The following PRDM7 variants were observed in gnomAD, a reference collection of about 807,000 sequenced individuals.
The protein encoded by PRDM7 is histone-lysine N-methyltransferase PRDM7.
Under a neutral mutation model 64.3 loss-of-function variants are expected in PRDM7, and 52 were observed. That is an observed-to-expected ratio of 0.81 (90% CI 0.65 to 1.02). The LOEUF is 1.02. Ranked by LOEUF, PRDM7 falls within the 50% of genes least tolerant of loss-of-function variation. The pLI, the probability that PRDM7 is intolerant of heterozygous loss-of-function variation, is 0.00. For synonymous variants in PRDM7, 192 were observed against 210.1 expected, an observed-to-expected ratio of 0.91 and a Z score of 0.74; for missense variants, 574 against 597.1, an observed-to-expected ratio of 0.96 and a Z score of 0.40.
Position 90,057,805 on chromosome 16 carries a change from T to C in PRDM7, c.*484A>G, listed in dbSNP as rs551816351. On this transcript the variant is annotated 3_prime_UTR_variant, in exon 11 of 11. Coordinates refer to ENST00000449207, the MANE Select transcript of PRDM7 (RefSeq NM_001098173.2). The stretch of plus-strand genomic sequence containing the variant: ...TGTGGTGATCACGTTTGTCTTCTTG[T>C]GGCTATTGAGATAAGGTTTTATTAC... 1.1e-5 allele frequency: 15 copies of C among 1,395,510 alleles called. No homozygotes were observed. The East Asian group carries it at 5.0e-4, about 47-fold the overall frequency. 86.4% of individuals were successfully genotyped at this position (1,395,510 alleles called of 1,614,324 possible).
chr16:90,058,394 T>C lies in PRDM7; in HGVS notation c.1374A>G (p.Arg458=), dbSNP rs756413072. Residue 458 remains arginine, a synonymous_variant, in exon 11 of 11, where the codon AGA becomes AGG. Coordinates refer to ENST00000449207, the MANE Select transcript of PRDM7 (RefSeq NM_001098173.2). ...DHLQENFSNQ[R]IPAQGIRIRS... ...TGATTCTGATCCCCTGGGCAGGGAT[T>C]CTCTGGTTGGAGAAGTTTTCTTGCA... The C allele has an allele frequency of 6.2e-7, 1 of 1,614,196 alleles. No homozygotes were observed. The highest frequency in any genetic ancestry group is 2.2e-5 in the East Asian group (1 of 44,880).
In PRDM7 at chr16:90,067,775, A is replaced by G. The variant is rs1318115845; in HGVS notation, c.302-865T>C. On this transcript the variant is annotated intron_variant, in intron 4 of 10. Transcript: ENST00000449207. ...CCAGCTAATTTTTTGTATTTTTAGT[A>G]GAGATGGGGTTTCACCGTGTTAGCC... is the stretch of plus-strand genomic sequence containing the variant. 3.3e-5 allele frequency among the ~76,000 whole-genome samples: 5 copies of G among 150,576 alleles called. No individual in the cohort carries two copies. In the East Asian group the frequency reaches 9.7e-4, roughly 29 times the overall value.
At chr16:90,060,974 CT>C (rs1488745553) in intron 9 of PRDM7, among the ~76,000 whole-genome samples, 1 of 152,220 alleles carries the variant, frequency 6.6e-6, no homozygotes, top group East Asian at 1.9e-4. Context: ...CACCTGACTT[CT>C]TCAGATTCCT....
intron 4 of PRDM7, among the ~76,000 whole-genome samples, chr16:90,073,039 T>G (rs1283161040): frequency 4.6e-5 from 7 of 152,174 alleles, no homozygotes; most frequent in Admixed American, 4.6e-4. Context: ...GAAATGAGCT[T>G]TGCACTTCTA....
intron 4 of PRDM7, among the ~76,000 whole-genome samples, chr16:90,070,620 G>C (rs2037942739): frequency 6.6e-6 from 1 of 150,910 alleles, no homozygotes; most frequent in African/African-American, 2.5e-5. Context: ...GCTTTTATAA[G>C]AGGAAGAGAG....
intron 10 of PRDM7, among the ~76,000 whole-genome samples, chr16:90,059,817 A>G (rs759003494): frequency 1.3e-5 from 2 of 152,224 alleles, no homozygotes; most frequent in Non-Finnish European, 2.9e-5. Context: ...GATATTACAC[A>G]TATGTCTGTG....
intron 4 of PRDM7, among the ~76,000 whole-genome samples, chr16:90,067,427 A>T (rs941865196): frequency 1.3e-5 from 2 of 151,186 alleles, no homozygotes; most frequent in African/African-American, 2.5e-5. Context: ...AAAAATAGAT[A>T]AAACTTCATC....
At chr16:90,059,677 C>T (rs145435895) in intron 10 of PRDM7, among the ~76,000 whole-genome samples, 4 of 151,692 alleles carry the variant, frequency 2.6e-5, no homozygotes, top group African/African-American at 9.8e-5. Flanking sequence ...CCAGGTCTCA[C>T]ACTGACCTCA....
chr16:90,061,880 T>G, intron 8 of PRDM7, 41 bp downstream of exon 8: 1 of 1,613,192 alleles, frequency 6.2e-7, no homozygotes, highest in South Asian at 1.1e-5. Context: ...ACAGAAGGGA[T>G]GTGGGAAGAC....
intron 1 of PRDM7, among the ~76,000 whole-genome samples, 171 bp downstream of exon 1, chr16:90,077,055 G>T (rs1170183899): frequency 6.6e-6 from 1 of 151,984 alleles, no homozygotes; most frequent in African/African-American, 2.4e-5. Flanking sequence ...GAAGGGATTT[G>T]GGGTCTCTGA....
Position 90,058,059 on chromosome 16 carries a change from A to T in PRDM7, c.*230T>A, listed in dbSNP as rs185718159. 6.2e-7 allele frequency: 1 copy of T among 1,612,698 alleles called. No homozygotes were observed. The highest frequency in any genetic ancestry group is 1.3e-5 in the African/African-American group (1 of 74,890). ...CCCCTGTGTGTGTCCTTTGGTGTGT[A>T]ATAACATCTGACTTATCACTGAAAC... On this transcript the variant is annotated 3_prime_UTR_variant, in exon 11 of 11. Transcript: ENST00000449207.
intron 4 of PRDM7, chr16:90,070,126 TA>T (rs1352334978): frequency 2.0e-5 from 3 of 151,608 alleles, no homozygotes; most frequent in African/African-American, 7.4e-5. Flanking sequence ...ACTCCTATAA[TA>T]CAACAACAAA....
chr16:90,065,093 T>C (rs2037848914), intron 5 of PRDM7, among the ~76,000 whole-genome samples: 1 of 150,612 alleles, frequency 6.6e-6, no homozygotes, highest in African/African-American at 2.5e-5. Flanking sequence ...CTTAATACAG[T>C]ATGAATGTGA....
chr16:90,058,851 G>A (rs1184995123), intron 10 of PRDM7, among the ~76,000 whole-genome samples: 2 of 152,072 alleles, frequency 1.3e-5, no homozygotes, highest in African/African-American at 4.8e-5. Context: ...CATGCCACAG[G>A]TATCTTCCAA....
In PRDM7 at chr16:90,058,521, C is replaced by G; in HGVS notation, c.1247G>C (p.Arg416Thr). ...GACAGCATGAGGGACATGGATGGAT[C>G]TCTGGCTTTGGTTCTGAAAGAGGAA... ...SSWQGENQSQ[R>T]SIHVPHAVWP... The change falls in exon 11 of 11, where the codon AGA becomes ACA. Residue 416 changes from arginine to threonine, a missense_variant. Physicochemically the swap from Arg to Thr is moderately conservative, Grantham distance 71. Transcript: ENST00000449207. The G allele has an allele frequency of 6.2e-7, 1 of 1,614,164 alleles. No homozygotes were observed. Among genetic ancestry groups the G allele is most frequent in the Non-Finnish European group, 8.5e-7 (1 of 1,180,040 alleles).
In PRDM7 at chr16:90,058,137, C is replaced by T. The variant is rs1386765189; in HGVS notation, c.*152G>A. The T allele has an allele frequency of 6.2e-7, 1 of 1,614,040 alleles. No individual in the cohort carries two copies. Among genetic ancestry groups the T allele is most frequent in the African/African-American group, 1.3e-5 (1 of 74,926 alleles). ...TCGCAATTCTTGAGATTCCTACCCC[C>T]ACAAATAATTTGCCTGTGTTCCCTG... On this transcript the variant is annotated 3_prime_UTR_variant, in exon 11 of 11. Coordinates refer to ENST00000449207, the MANE Select transcript of PRDM7 (RefSeq NM_001098173.2).
rs1203854460 is a variant in PRDM7 at position 90,058,298 on chromosome 16, T to G, written c.1470A>C (p.Pro490=). 6.2e-7 allele frequency: 1 copy of G among 1,614,140 alleles called. No individual in the cohort carries two copies. The highest frequency in any genetic ancestry group is 1.3e-5 in the African/African-American group (1 of 74,956). The change falls in exon 11 of 11, where the codon CCA becomes CCC. Residue 490 remains proline (P), a synonymous_variant. Transcript: ENST00000449207. ...TGCCATGTCCTTTTATTCAAGAGTT[T>G]GGACCTTTCTTTGATCTCTTGACCT... The part of the protein sequence containing the change: ...KPKVKRSKKG[P]NS
At chr16:90,069,705 G>A (rs2037928970) in intron 4 of PRDM7, among the ~76,000 whole-genome samples, 1 of 151,024 alleles carries the variant, frequency 6.6e-6, no homozygotes, top group South Asian at 2.1e-4. Flanking sequence ...CCAGGAGTTC[G>A]AGACCAGCCA....
At chr16:90,071,071 G>T (rs1020030592) in intron 4 of PRDM7, among the ~76,000 whole-genome samples, 1 of 152,176 alleles carries the variant, frequency 6.6e-6, no homozygotes, top group Non-Finnish European at 1.5e-5. Flanking sequence ...GCTTATTGTT[G>T]GTGGGTAGCT....
Sources: allele counts gnomAD v4.1 joint callset (sites outside exome capture counted in the v4.1 genomes callset), GRCh38; gene constraint gnomAD v4.1.1; transcripts MANE v1.5; gene names NCBI Gene and HGNC (gene_info 2026-07-23, HGNC 2026-07-21).